The following SKP2 variants were observed in gnomAD, a reference collection of about 807,000 sequenced individuals.
SKP2 encodes S-phase kinase associated protein 2.
In SKP2, 16 loss-of-function variants were observed where a neutral mutation model predicts 51.8. The observed-to-expected ratio is 0.31, with a 90% CI of 0.21 to 0.47. The LOEUF (loss-of-function observed/expected upper bound fraction) is 0.47. Ranked by LOEUF, SKP2 falls within the 20% of genes least tolerant of loss-of-function variation. The pLI is 1.00. For missense variants in SKP2, 377 were observed against 505.3 expected (o/e 0.75, Z 2.43); for synonymous variants, 176 against 198.6 (o/e 0.89, Z 0.96).
At chr5:36,163,903 GT>G (rs1221243965) in intron 3 of SKP2, 147 bp downstream of exon 3, 1 of 615,114 alleles carries the variant, frequency 1.6e-6, no homozygotes, top group Admixed American at 2.9e-5. Context: ...ATTAATCAGT[GT>G]CCTCATTTCA....
chr5:36,186,748 C>G (rs1052674270), downstream of SKP2, among the ~76,000 whole-genome samples: 3 of 152,212 alleles, frequency 2.0e-5, no homozygotes, highest in East Asian at 1.9e-4. Flanking sequence ...CAGGATGATG[C>G]TGGCCTCACA....
At chr5:36,170,856 C>T (rs1745449024) in intron 6 of SKP2, among the ~76,000 whole-genome samples, 1 of 152,138 alleles carries the variant, frequency 6.6e-6, no homozygotes, top group Non-Finnish European at 1.5e-5. Flanking sequence ...TTAACAATAT[C>T]TTTCATAATA....
At chr5:36,180,490 T>G (rs1252072197) in intron 9 of SKP2, among the ~76,000 whole-genome samples, 1 of 152,210 alleles carries the variant, frequency 6.6e-6, no homozygotes, top group Non-Finnish European at 1.5e-5. Context: ...TAAATTAGCC[T>G]TCATCTTGTA....
At chr5:36,179,341 G>T (rs1194138032) in intron 9 of SKP2, among the ~76,000 whole-genome samples, 2 of 152,260 alleles carry the variant, frequency 1.3e-5, no homozygotes, top group East Asian at 3.9e-4. Context: ...AATTTCAAGA[G>T]AGCCATCTAT....
At chr5:36,157,858 G>T (rs1745002432) in intron 2 of SKP2, among the ~76,000 whole-genome samples, 1 of 152,164 alleles carries the variant, frequency 6.6e-6, no homozygotes, top group Non-Finnish European at 1.5e-5. Flanking sequence ...TGAGTGGAGT[G>T]ATATTCTGAG....
At chr5:36,177,437 C>T (rs1418753586) in intron 9 of SKP2, 145 bp downstream of exon 9, 1 of 726,500 alleles carries the variant, frequency 1.4e-6, no homozygotes, top group Non-Finnish European at 2.5e-6. Context: ...GAAAGACCAG[C>T]AGAGTATTGC....
At chr5:36,175,627 TTC>T (rs563954687) in intron 7 of SKP2, among the ~76,000 whole-genome samples, 196 of 151,978 alleles carry the variant, frequency 1.3e-3, no homozygotes, top group African/African-American at 4.6e-3. Context: ...TTTTTTTTTC[TTC>T]TCTCTTTCTT....
At chr5:36,179,586 TA>T (rs1362125022) in intron 9 of SKP2, among the ~76,000 whole-genome samples, 2 of 152,280 alleles carry the variant, frequency 1.3e-5, no homozygotes, top group East Asian at 3.9e-4. Context: ...GGTAGTAAAC[TA>T]ATCTAAGATA....
chr5:36,186,605 C>T (rs1745957843), downstream of SKP2, among the ~76,000 whole-genome samples: 1 of 152,136 alleles, frequency 6.6e-6, no homozygotes. Context: ...CCCACTTGAT[C>T]GTGGTGGATA....
intron 9 of SKP2, chr5:36,180,188 T>G (rs1420363919): frequency 7.8e-6 from 7 of 893,592 alleles, no homozygotes; most frequent in Non-Finnish European, 1.2e-5. Context: ...GGCTCACAAT[T>G]TGGCTAATTT....
chr5:36,152,686 C>A (rs1744778530), intron 1 of SKP2, 85 bp from the exon 2 acceptor site: 4 of 1,415,504 alleles, frequency 2.8e-6, no homozygotes, highest in Non-Finnish European at 3.9e-6. Context: ...TCCTACAATG[C>A]ATAAACTGCA....
At chr5:36,153,819 C>A (rs1235918372) in intron 2 of SKP2, among the ~76,000 whole-genome samples, 6 of 152,210 alleles carry the variant, frequency 3.9e-5, no homozygotes, top group African/African-American at 1.4e-4. Context: ...TCCCCTAGTT[C>A]CTCAAGCAGG....
At chr5:36,188,133 G>C (rs372304545), downstream of SKP2, among the ~76,000 whole-genome samples, 1 of 152,030 alleles carries the variant, frequency 6.6e-6, no homozygotes, top group South Asian at 2.1e-4. Context: ...ATCTCTGCAC[G>C]TGAGATGGGT....
chr5:36,189,669 G>A (rs544131961), intron 6 of SKP2, among the ~76,000 whole-genome samples: 38 of 152,290 alleles, frequency 2.5e-4, no homozygotes, highest in African/African-American at 8.9e-4. Flanking sequence ...CGGGGGTCAG[G>A]GACCCACTTG....
In SKP2 at chr5:36,152,913, A is replaced by G. The variant is rs1223993839; in HGVS notation, c.151A>G (p.Ile51Val). The G allele has an allele frequency of 3.7e-6, 6 of 1,613,976 alleles. No homozygotes were observed. In the Admixed American group the frequency reaches 8.3e-5, roughly 22 times the overall value. ...LEKEEPDSENIPQELLSNLGH... is the reference protein window; with the variant it reads ...LEKEEPDSENVPQELLSNLGH... Reference sequence around the variant, plus strand: ...GAAAGAGGAGCCCGACAGTGAGAACATCCCCCAGGAACTGCTCTCAAACCT... The same window carrying G: ...GAAAGAGGAGCCCGACAGTGAGAACGTCCCCCAGGAACTGCTCTCAAACCT... Residue 51 changes from isoleucine to valine, a missense_variant, in exon 2 of 10, where the codon ATC (isoleucine) becomes GTC (valine). Around this residue, in one of 2 missense-constraint regions of SKP2, gnomAD observed 115 missense variants for 115.5 expected, o/e 1.00. Transcript: ENST00000274255.
At chr5:36,187,316 A>C (rs1008391384), downstream of SKP2, among the ~76,000 whole-genome samples, 1 of 152,004 alleles carries the variant, frequency 6.6e-6, no homozygotes, top group Non-Finnish European at 1.5e-5. Flanking sequence ...TAGTTCTTTC[A>C]ATTGTGATGT....
At chr5:36,187,513 G>C (rs574566113), downstream of SKP2, among the ~76,000 whole-genome samples, 2 of 152,288 alleles carry the variant, frequency 1.3e-5, no homozygotes, top group South Asian at 4.1e-4. Flanking sequence ...TTCAGGAGCA[G>C]GTTGTTCAAT....
At position 36,168,448 on chromosome 5, in the gene SKP2, G is replaced by T. The variant is rs1745363365; in HGVS notation, c.671+1G>T. 1 of 1,614,028 alleles carries T rather than the reference G, an allele frequency of 6.2e-7. No homozygotes were observed. The highest frequency in any genetic ancestry group is 8.5e-7 in the Non-Finnish European group (1 of 1,179,978). The stretch of plus-strand genomic sequence containing the variant: ...TGCGGCTTTCGGATCCCATTGTCAA[G>T]TGAGTGGCAGGCAGAGTGTCACAAA... On this transcript the variant is annotated splice_donor_variant, in intron 5 of 9. Coordinates refer to ENST00000274255, the MANE Select transcript of SKP2 (RefSeq NM_005983.4). LOFTEE classifies it high-confidence loss of function.
At chr5:36,162,173 A>G (rs773062680) in intron 2 of SKP2, among the ~76,000 whole-genome samples, 1 of 152,228 alleles carries the variant, frequency 6.6e-6, no homozygotes, top group Non-Finnish European at 1.5e-5. Context: ...GGTGCCTCAT[A>G]GAATTCAGCG....
Sources: gnomAD v4.1 joint callset for allele counts (sites outside exome capture counted in the v4.1 genomes callset) on GRCh38, gnomAD v4.1.1 for gene constraint, gnomAD v4.1.1 regional missense constraint, MANE v1.5 for transcripts, NCBI Gene and HGNC (gene_info 2026-07-23, HGNC 2026-07-21) for gene names.